Variants in FOXO3 observed in about 807,000 individuals in gnomAD.
FOXO3 encodes forkhead box protein O3.
In FOXO3, 4 loss-of-function variants were observed where a neutral mutation model predicts 41.9. The ratio of observed to expected loss-of-function variants is 0.10; its 90% confidence interval spans 0.05 to 0.22. The LOEUF (loss-of-function observed/expected upper bound fraction) is 0.22, where lower values mean the gene tolerates loss of function less well. Ranked by LOEUF, FOXO3 falls within the 10% of genes least tolerant of loss-of-function variation. The probability of loss-of-function intolerance (pLI) is 1.00; values close to 1 mark genes in which losing one functional copy is unlikely to be tolerated. For synonymous variants in FOXO3, 318 were observed against 389.3 expected (o/e 0.82, Z 2.16); for missense variants, 534 against 906.8 (o/e 0.59, Z 5.28).
At chr6:108,573,061 C>T (rs975880085) in intron 1 of FOXO3, among the ~76,000 whole-genome samples, 4 of 151,782 alleles carry the variant, frequency 2.6e-5, no homozygotes, top group African/African-American at 7.3e-5. Context: ...CTGAGGTGGG[C>T]GGATCACGAG....
intron 1 of FOXO3, among the ~76,000 whole-genome samples, chr6:108,621,723 C>T (rs1777668917): frequency 6.6e-6 from 1 of 152,070 alleles, no homozygotes; most frequent in African/African-American, 2.4e-5. Context: ...TGGTCCGTTT[C>T]AGAAGTATGT....
chr6:108,589,017 A>G (rs1164012170), intron 1 of FOXO3, among the ~76,000 whole-genome samples: 1 of 152,178 alleles, frequency 6.6e-6, no homozygotes, highest in Non-Finnish European at 1.5e-5. Context: ...CATGTTCCTC[A>G]GGGTTTCCTA....
intron 1 of FOXO3, among the ~76,000 whole-genome samples, chr6:108,662,504 A>G (rs535249955): frequency 1.3e-5 from 2 of 152,290 alleles, no homozygotes; most frequent in East Asian, 3.9e-4. Flanking sequence ...CTACTTCTCT[A>G]ATCAACCTGG....
chr6:108,633,042 C>T (rs1036876329), intron 1 of FOXO3, among the ~76,000 whole-genome samples: 7 of 151,978 alleles, frequency 4.6e-5, no homozygotes, highest in African/African-American at 1.2e-4. Flanking sequence ...GTTCAAAAGC[C>T]AGGAATTTAA....
chr6:108,600,227 A>G (rs899173146), intron 1 of FOXO3, among the ~76,000 whole-genome samples: 7 of 152,126 alleles, frequency 4.6e-5, no homozygotes, highest in African/African-American at 1.7e-4. Context: ...ATGAGCCTTT[A>G]TAACTTTATT....
Position 108,561,694 on chromosome 6 carries a change from C to T in FOXO3, c.486C>T (p.Tyr162=), listed in dbSNP as rs781108473. The change falls in exon 1 of 3, where the codon TAC becomes TAT. Residue 162 remains tyrosine (Y), a synonymous_variant. Coordinates refer to ENST00000406360, the MANE Select transcript of FOXO3 (RefSeq NM_001455.4). ...GGAACGCCTGGGGAAACCTGTCCTA[C>T]GCGGACCTGATCACCCGCGCCATCG... ...SRRNAWGNLS[Y]ADLITRAIES... 5.6e-6 allele frequency: 9 copies of T among 1,611,638 alleles called. No homozygotes were observed. Among genetic ancestry groups the T allele is most frequent in the African/African-American group, 1.3e-5 (1 of 74,798 alleles).
intron 1 of FOXO3, among the ~76,000 whole-genome samples, chr6:108,625,754 G>A (rs1389748918): frequency 6.6e-6 from 1 of 152,122 alleles, no homozygotes; most frequent in Non-Finnish European, 1.5e-5. Flanking sequence ...GTGGCCTTGA[G>A]TGAGCCAACA....
chr6:108,640,866 A>G (rs1019810660), intron 1 of FOXO3, among the ~76,000 whole-genome samples: 10 of 152,178 alleles, frequency 6.6e-5, no homozygotes, highest in African/African-American at 1.2e-4. Flanking sequence ...GCTGGGCACA[A>G]TTCTAGGAAT....
chr6:108,673,884 A>C (rs927720643), intron 2 of FOXO3, among the ~76,000 whole-genome samples: 7 of 152,208 alleles, frequency 4.6e-5, no homozygotes, highest in African/African-American at 1.4e-4. Context: ...CCTGTACTAC[A>C]ATTCCCTATT....
intron 1 of FOXO3, among the ~76,000 whole-genome samples, chr6:108,657,106 A>G (rs1778709199): frequency 6.6e-6 from 1 of 152,242 alleles, no homozygotes. Context: ...TTTCTGCCCC[A>G]GTGCAGGGCT....
chr6:108,663,947 A>C lies in FOXO3; in HGVS notation c.1114A>C (p.Met372Leu). ...CTVELPRLTD[M>L]AGTMNLNDGL... ...GGTGGAACTGCCACGGCTGACTGAT[A>C]TGGCAGGCACCATGAATCTGAATGA... is the stretch of plus-strand genomic sequence containing the variant. Residue 372 changes from methionine (M) to leucine (L), a missense_variant, in exon 2 of 3, where the codon ATG becomes CTG. This residue lies in a region of FOXO3 where 185 missense variants were observed against 224.9 expected (regional missense o/e 0.82). Coordinates refer to ENST00000406360, the MANE Select transcript of FOXO3 (RefSeq NM_001455.4). The C allele has an allele frequency of 6.2e-7, 1 of 1,614,210 alleles. No homozygotes were observed. The highest frequency in any genetic ancestry group is 8.5e-7 in the Non-Finnish European group (1 of 1,180,046).
chr6:108,604,498 A>G (rs1441772160), intron 1 of FOXO3, among the ~76,000 whole-genome samples: 1 of 152,190 alleles, frequency 6.6e-6, no homozygotes, highest in Non-Finnish European at 1.5e-5. Flanking sequence ...ATGTTATATG[A>G]CTTATTAGTA....
At chr6:108,604,063 C>T (rs577977596) in intron 1 of FOXO3, among the ~76,000 whole-genome samples, 1 of 152,204 alleles carries the variant, frequency 6.6e-6, no homozygotes, top group East Asian at 1.9e-4. Context: ...ACTGCAGCCT[C>T]AGACTACTTT....
chr6:108,583,245 G>A (rs1195550623), intron 1 of FOXO3, among the ~76,000 whole-genome samples: 1 of 152,168 alleles, frequency 6.6e-6, no homozygotes, highest in East Asian at 1.9e-4. Context: ...TTTCACTGTG[G>A]CTGGTGTGGG....
intron 2 of FOXO3, among the ~76,000 whole-genome samples, chr6:108,677,952 CA>C (rs1165118804): frequency 6.6e-6 from 1 of 152,062 alleles, no homozygotes; most frequent in Non-Finnish European, 1.5e-5. Flanking sequence ...AACCATCAGC[CA>C]GGGAAACTAA....
At chr6:108,578,579 G>A (rs1379634964) in intron 1 of FOXO3, among the ~76,000 whole-genome samples, 1 of 152,322 alleles carries the variant, frequency 6.6e-6, no homozygotes, top group Non-Finnish European at 1.5e-5. Context: ...GTTCACCTTA[G>A]TGCATATATT....
chr6:108,660,897 A>G (rs1254783634), intron 1 of FOXO3, among the ~76,000 whole-genome samples: 2 of 151,974 alleles, frequency 1.3e-5, no homozygotes, highest in Admixed American at 6.6e-5. Flanking sequence ...AGTCTCTACT[A>G]AAAATACAAA....
At chr6:108,574,793 T>G (rs955584494) in intron 1 of FOXO3, among the ~76,000 whole-genome samples, 3 of 152,218 alleles carry the variant, frequency 2.0e-5, no homozygotes, top group Non-Finnish European at 4.4e-5. Flanking sequence ...TAAAATGTAG[T>G]TAACAGAATA....
At chr6:108,580,107 A>G (rs892821003) in intron 1 of FOXO3, among the ~76,000 whole-genome samples, 34 of 152,136 alleles carry the variant, frequency 2.2e-4, no homozygotes, top group Non-Finnish European at 7.4e-5. Flanking sequence ...GGCTGTAACT[A>G]AAAGCTACGG....
Sources: allele counts gnomAD v4.1 joint callset (sites outside exome capture counted in the v4.1 genomes callset), GRCh38; gene constraint gnomAD v4.1.1; regional missense constraint gnomAD v4.1.1; transcripts MANE v1.5; gene names NCBI Gene and HGNC (gene_info 2026-07-23, HGNC 2026-07-21).